Variants in DPF3 observed in about 807,000 individuals in gnomAD.
DPF3 encodes zinc finger protein DPF3.
A neutral mutation model predicts 56.8 loss-of-function variants in DPF3; 18 were observed. That is an observed-to-expected ratio of 0.32 (90% CI 0.22 to 0.47). The LOEUF (loss-of-function observed/expected upper bound fraction) is 0.47. DPF3 is among the 20% of genes least tolerant of loss of function. DPF3 has a pLI of 1.00. For synonymous variants in DPF3, 188 were observed against 180.2 expected (o/e 1.04, Z -0.35); for missense variants, 403 against 488.8 (o/e 0.82, Z 1.65).
intron 8 of DPF3, among the ~76,000 whole-genome samples, chr14:72,663,697 G>A (rs1454686065): frequency 6.6e-6 from 1 of 152,182 alleles, no homozygotes; most frequent in African/African-American, 2.4e-5. Context: ...GCAGAGATGG[G>A]TGTCCCAACA....
chr14:72,886,831 G>C (rs1886565572), intron 1 of DPF3, among the ~76,000 whole-genome samples: 2 of 152,052 alleles, frequency 1.3e-5, no homozygotes, highest in African/African-American at 4.8e-5. Flanking sequence ...CACTGAAGGG[G>C]AGGCATGAAG....
chr14:72,714,881 G>A (rs774156061), intron 5 of DPF3, among the ~76,000 whole-genome samples: 7 of 152,154 alleles, frequency 4.6e-5, no homozygotes, highest in Admixed American at 2.0e-4. Flanking sequence ...CACTGAGGCC[G>A]CTTCCTCCTG....
intron 8 of DPF3, among the ~76,000 whole-genome samples, chr14:72,641,414 A>G (rs1474736290): frequency 6.6e-6 from 1 of 152,234 alleles, no homozygotes; most frequent in South Asian, 2.1e-4. Context: ...AGGCCCTGCC[A>G]GCCTCAGTTT....
At chr14:72,824,814 C>T (rs1883720135) in intron 1 of DPF3, among the ~76,000 whole-genome samples, 1 of 151,840 alleles carries the variant, frequency 6.6e-6, no homozygotes, top group Non-Finnish European at 1.5e-5. Context: ...TCAGGTGATC[C>T]GCCTACTTCA....
At chr14:72,662,263 T>C in intron 8 of DPF3, 3 of 985,396 alleles carry the variant, frequency 3.0e-6, no homozygotes, top group Non-Finnish European at 3.6e-6. Context: ...AGAGTTGATC[T>C]TTATTTTCTT....
At chr14:72,808,975 A>G (rs982021587) in intron 1 of DPF3, among the ~76,000 whole-genome samples, 1 of 152,180 alleles carries the variant, frequency 6.6e-6, no homozygotes, top group East Asian at 1.9e-4. Flanking sequence ...CCTCTAGACA[A>G]GATTAACTTG....
intron 2 of DPF3, among the ~76,000 whole-genome samples, chr14:72,758,232 A>G (rs1261957019): frequency 1.3e-5 from 2 of 152,244 alleles, no homozygotes; most frequent in Non-Finnish European, 2.9e-5. Flanking sequence ...AAAGAGAGGA[A>G]GAAAAAAATC....
intron 1 of DPF3, among the ~76,000 whole-genome samples, chr14:72,840,424 G>A (rs1011416012): frequency 5.9e-5 from 9 of 151,710 alleles, no homozygotes; most frequent in African/African-American, 1.9e-4. Context: ...ATTCTCCTAC[G>A]CCCTACCCTC....
intron 1 of DPF3, among the ~76,000 whole-genome samples, chr14:72,812,317 G>A (rs999653166): frequency 1.3e-5 from 2 of 152,112 alleles, no homozygotes; most frequent in South Asian, 2.1e-4. Flanking sequence ...TCAAAATAGC[G>A]AGGAGCTGGA....
chr14:72,704,411 T>C (rs917606125), intron 6 of DPF3, among the ~76,000 whole-genome samples: 1 of 152,344 alleles, frequency 6.6e-6, no homozygotes, highest in East Asian at 1.9e-4. Flanking sequence ...GGAATCCTGC[T>C]AGCATCCTCT....
At chr14:72,638,505 GTCTGTAAT>G (rs5809581) in intron 8 of DPF3, among the ~76,000 whole-genome samples, 6,819 of 152,260 alleles carry the variant, frequency 0.045, 328 homozygotes, top group East Asian at 0.16. Flanking sequence ...ATTTCAAAAT[GTCTGTAAT>G]TGATGTATAG....
chr14:72,869,515 G>C (rs1218737105), intron 1 of DPF3, among the ~76,000 whole-genome samples: 1 of 152,088 alleles, frequency 6.6e-6, no homozygotes, highest in East Asian at 1.9e-4. Context: ...AGTGTGAGAC[G>C]GTGTGCTTCT....
intron 6 of DPF3, among the ~76,000 whole-genome samples, chr14:72,705,432 A>T (rs1487527815): frequency 6.6e-6 from 1 of 152,060 alleles, no homozygotes; most frequent in Non-Finnish European, 1.5e-5. Flanking sequence ...TATATATTAC[A>T]ATGTAATAAT....
chr14:72,883,481 A>C (rs1213763689), intron 1 of DPF3, among the ~76,000 whole-genome samples: 2 of 152,020 alleles, frequency 1.3e-5, no homozygotes, highest in African/African-American at 4.8e-5. Context: ...TGAGAGTGAG[A>C]CCCTATCTCC....
intron 5 of DPF3, among the ~76,000 whole-genome samples, chr14:72,718,741 A>C (rs1345748111): frequency 2.0e-5 from 3 of 148,558 alleles, no homozygotes; most frequent in Non-Finnish European, 4.4e-5. Flanking sequence ...AGATCAAAAA[A>C]ATTGAGAACC....
At chr14:72,858,785 T>G (rs1362522178) in intron 1 of DPF3, among the ~76,000 whole-genome samples, 3 of 152,224 alleles carry the variant, frequency 2.0e-5, no homozygotes, top group Non-Finnish European at 2.9e-5. Context: ...GTGTGGACAT[T>G]TGCATGGAGA....
chr14:72,684,477 A>G lies in DPF3; in HGVS notation c.742+8599T>C, dbSNP rs1463074229. Among the ~76,000 whole-genome samples the G allele has an allele frequency of 2.7e-5, 4 of 150,550 alleles. 1 individual carries two copies. Among genetic ancestry groups the G allele is most frequent in the Non-Finnish European group, 5.9e-5 (4 of 67,954 alleles). On this transcript the variant is annotated intron_variant, in intron 7 of 10. Coordinates refer to ENST00000556509, the MANE Select transcript of DPF3 (RefSeq NM_001280542.3). ...AAGGAAAACCAAGAGGCAAGGATGAATCCTAATATTTCACTTCAGGCTCAA... is the reference window on the plus strand; with the variant it reads ...AAGGAAAACCAAGAGGCAAGGATGAGTCCTAATATTTCACTTCAGGCTCAA...
rs140676582 is a variant in DPF3 at position 72,694,206 on chromosome 14, G to A, written c.605-993C>T. On this transcript the variant is annotated intron_variant, in intron 6 of 10. Coordinates refer to ENST00000556509, the MANE Select transcript of DPF3 (RefSeq NM_001280542.3). ...ATAGGGATCATTATCTCGGCCCCTA[G>A]GGGGACGGCATTGCTGGTAGCAGAA... is the stretch of plus-strand genomic sequence containing the variant. Among the ~76,000 whole-genome samples the A allele has an allele frequency of 4.5e-3, 692 of 152,290 alleles. 10 individuals carry two copies. Among genetic ancestry groups the A allele is most frequent in the African/African-American group, 0.016 (646 of 41,564 alleles).
At chr14:72,670,541 C>T in intron 8 of DPF3, 1 of 949,506 alleles carries the variant, frequency 1.1e-6, no homozygotes, top group Non-Finnish European at 1.2e-6. Flanking sequence ...CTCCGTGGGG[C>T]ACAGAATAGT....
Sources: allele counts gnomAD v4.1 joint callset (sites outside exome capture counted in the v4.1 genomes callset), GRCh38; gene constraint gnomAD v4.1.1; transcripts MANE v1.5; gene names NCBI Gene and HGNC (gene_info 2026-07-23, HGNC 2026-07-21).